GSN: variants seen among roughly 807,000 people sequenced by gnomAD.
GSN encodes the protein actin-depolymerizing factor.
In GSN, 56 loss-of-function variants were observed where a neutral mutation model predicts 85.7. The observed-to-expected ratio is 0.65, with a 90% CI of 0.53 to 0.82. The LOEUF is 0.82. Ranked by LOEUF, GSN falls within the 40% of genes least tolerant of loss-of-function variation. The probability of loss-of-function intolerance (pLI) is 0.00; values close to 1 mark genes in which losing one functional copy is unlikely to be tolerated. For missense variants in GSN, 857 were observed against 979.8 expected (o/e 0.87, Z 1.67); for synonymous variants, 373 against 399.1 (o/e 0.93, Z 0.78).
upstream of GSN, among the ~76,000 whole-genome samples, chr9:121,263,637 T>C (rs949180377): frequency 1.7e-4 from 26 of 152,156 alleles, no homozygotes; most frequent in Non-Finnish European, 3.2e-4. Flanking sequence ...ACGCCTGTAA[T>C]CCCAGCACTT....
intron 7 of GSN, among the ~76,000 whole-genome samples, chr9:121,315,022 A>T (rs2061553969): frequency 6.6e-6 from 1 of 152,058 alleles, no homozygotes; most frequent in South Asian, 2.1e-4. Context: ...CACCACGCCC[A>T]GCTAACTTTT....
chr9:121,248,479 C>T (rs753171886), intron 6 of GSN, among the ~76,000 whole-genome samples: 4 of 152,074 alleles, frequency 2.6e-5, no homozygotes, highest in Non-Finnish European at 5.9e-5. Flanking sequence ...TTCCCCATCT[C>T]GTCCCTCCTT....
At position 121,317,994 on chromosome 9, in the gene GSN, C is replaced by T. The variant is rs570667493; in HGVS notation, c.887-412C>T. 1.4e-3 allele frequency: 368 copies of T among 264,218 alleles called. 3 individuals are homozygous for T. The highest frequency in any genetic ancestry group is 2.4e-3 in the East Asian group (25 of 10,564). 16.4% of individuals were successfully genotyped at this position (264,218 alleles called of 1,614,324 possible). A position where few individuals can be genotyped will look rare whatever the true frequency, so the allele number is the denominator to read the frequency against. ...CTGGCTGGCCAGGAGCTCCTTGGCACGGGAATGCCCTCAGGGTGGCAGCTT... is the reference window on the plus strand; with the variant it reads ...CTGGCTGGCCAGGAGCTCCTTGGCATGGGAATGCCCTCAGGGTGGCAGCTT... On this transcript the variant is annotated intron_variant, in intron 8 of 17. Coordinates refer to ENST00000432226, the MANE Select transcript of GSN (RefSeq NM_198252.3).
chr9:121,326,351 T>C (rs1239487844), intron 12 of GSN, among the ~76,000 whole-genome samples, 161 bp from the exon 13 acceptor site: 1 of 152,014 alleles, frequency 6.6e-6, no homozygotes, highest in Non-Finnish European at 1.5e-5. Flanking sequence ...CCACCCTTCC[T>C]GGAATTCTGG....
chr9:121,231,223 C>T (rs1367164425), exon 5 of GSN: 3 of 152,224 alleles, frequency 2.0e-5, no homozygotes. Context: ...CACAATGCTG[C>T]AGAGCCTTGT....
intron 5 of GSN, among the ~76,000 whole-genome samples, chr9:121,232,531 T>G (rs960564284): frequency 2.0e-5 from 3 of 152,194 alleles, no homozygotes; most frequent in African/African-American, 7.2e-5. Context: ...GACTCCAATT[T>G]TGCAACCTTT....
chr9:121,331,484 T>A, intron 17 of GSN, 36 bp downstream of exon 17: 116 of 757,048 alleles, frequency 1.5e-4, no homozygotes, highest in Non-Finnish European at 2.4e-4. Flanking sequence ...GGGGGAGGGG[T>A]CCGTTGCTTG....
chr9:121,279,984 C>T (rs1420869487), intron 1 of GSN: 1 of 152,242 alleles, frequency 6.6e-6, no homozygotes. Flanking sequence ...GGTACCGTGA[C>T]TCCACTTCCG....
chr9:121,245,925 C>T (rs576951911), intron 5 of GSN, among the ~76,000 whole-genome samples: 8 of 152,170 alleles, frequency 5.3e-5, no homozygotes, highest in Middle Eastern at 3.4e-3. Context: ...GCTTGAAAAA[C>T]GCATTTAAAA....
rs576016965 is a variant in GSN at position 121,245,817 on chromosome 9, A to G, written c.-388-2459A>G. ...AGTGCAGAGGCTATTCACAGGTGCA[A>G]TCATGGCTCTCTATAGCCTTGAACT... On this transcript the variant is annotated intron_variant, in intron 5 of 24. Transcript: ENST00000373823. 1.7e-3 allele frequency among the ~76,000 whole-genome samples: 252 copies of G among 152,274 alleles called. 1 individual carries two copies. Among genetic ancestry groups the G allele is most frequent in the African/African-American group, 5.3e-3 (222 of 41,556 alleles).
chr9:121,260,513 G>A (rs919749977), intron 6 of GSN, among the ~76,000 whole-genome samples: 1 of 152,234 alleles, frequency 6.6e-6, no homozygotes, highest in African/African-American at 2.4e-5. Flanking sequence ...GATCTTATGA[G>A]ACAAATGCTC....
At chr9:121,221,566 G>A (rs1173566950) in intron 4 of GSN, among the ~76,000 whole-genome samples, 1 of 152,182 alleles carries the variant, frequency 6.6e-6, no homozygotes, top group Non-Finnish European at 1.5e-5. Flanking sequence ...AATACGGAGA[G>A]GTAAAAGAGC....
chr9:121,321,302 T>TGGACCCTGCCACATATG lies in GSN; in HGVS notation c.1228_1244dup (p.Gln416ThrfsTer29). 6.2e-7 allele frequency: 1 copy of TGGACCCTGCCACATATG among 1,614,120 alleles called. No individual in the cohort carries two copies. The highest frequency in any genetic ancestry group is 1.1e-5 in the South Asian group (1 of 91,082). ...ATCGAAGGTTCCAACAAGGTGCCCG[T>TGGACCCTGCCACATATG]GGACCCTGCCACATATGGACAGTTC... On this transcript the variant is annotated frameshift_variant, in exon 11 of 18. Coordinates refer to ENST00000432226, the MANE Select transcript of GSN (RefSeq NM_198252.3). LOFTEE classifies it high-confidence loss of function.
At chr9:121,289,839 A>G (rs2058518891) in intron 2 of GSN, among the ~76,000 whole-genome samples, 1 of 152,126 alleles carries the variant, frequency 6.6e-6, no homozygotes. Flanking sequence ...TGGGCCCCAT[A>G]TCACAGAGGA....
Position 121,288,051 on chromosome 9 carries a change from C to T in GSN, c.-10+6489C>T, listed in dbSNP as rs538894176. ...AAGCGATCCTCCCACCTCAGCCTCC[C>T]GAGTAGGTGGGACCACAGGCACACA... is the stretch of plus-strand genomic sequence containing the variant. On this transcript the variant is annotated intron_variant, in intron 2 of 17. Transcript: ENST00000432226. 1.8e-4 allele frequency among the ~76,000 whole-genome samples: 27 copies of T among 152,242 alleles called. 1 individual carries two copies. The South Asian group carries it at 5.4e-3, about 30-fold the overall frequency.
At chr9:121,277,667 G>T (rs1440451981) in intron 1 of GSN, among the ~76,000 whole-genome samples, 4 of 152,016 alleles carry the variant, frequency 2.6e-5, no homozygotes, top group Non-Finnish European at 5.9e-5. Context: ...ATACTTTGCT[G>T]CTTAATTATG....
rs532945069 is a variant in GSN at position 121,208,726 on chromosome 9, G to A, written c.-807-570G>A. ...ATGGTCACACCTAGCTGAAAGGGAT[G>A]CAGAGAAATTTAGTCTTTGTTCTGG... On this transcript the variant is annotated intron_variant, in intron 1 of 24. Coordinates refer to the GSN transcript ENST00000373823. Among the ~76,000 whole-genome samples, 25 of 152,364 alleles carry A rather than the reference G, an allele frequency of 1.6e-4. No homozygotes were observed. The East Asian group carries it at 3.7e-3, about 22-fold the overall frequency.
intron 2 of GSN, chr9:121,286,209 G>C (rs1156640808): frequency 6.8e-7 from 1 of 1,463,478 alleles, no homozygotes; most frequent in Non-Finnish European, 9.2e-7. Flanking sequence ...GATCTGGGGT[G>C]GTCCCCGAAG....
At chr9:121,213,794 C>T (rs544853118) in intron 4 of GSN, among the ~76,000 whole-genome samples, 47 of 152,280 alleles carry the variant, frequency 3.1e-4, no homozygotes, top group Admixed American at 1.2e-3. Flanking sequence ...CCAAGTCTCT[C>T]AGCACATGGG....
Sources: allele counts gnomAD v4.1 joint callset (sites outside exome capture counted in the v4.1 genomes callset), GRCh38; gene constraint gnomAD v4.1.1; transcripts MANE v1.5; gene names NCBI Gene and HGNC (gene_info 2026-07-23, HGNC 2026-07-21).